MTUS2: variants seen among roughly 807,000 people sequenced by gnomAD.
MTUS2 encodes the protein microtubule associated scaffold protein 2.
A neutral mutation model predicts 114.1 loss-of-function variants in MTUS2; 40 were observed. The ratio of observed to expected loss-of-function variants is 0.35; its 90% CI spans 0.27 to 0.46. The LOEUF is 0.46. Ranked by LOEUF, MTUS2 falls within the 20% of genes least tolerant of loss-of-function variation. The pLI is 1.00. For missense variants in MTUS2, 1,679 were observed against 1,705.4 expected (o/e 0.98, Z 0.27); for synonymous variants, 688 against 672.0 (o/e 1.02, Z -0.37).
chr13:29,100,010 G>A (rs1890340437), intron 4 of MTUS2, among the ~76,000 whole-genome samples: 1 of 152,068 alleles, frequency 6.6e-6, no homozygotes, highest in South Asian at 2.1e-4. Context: ...TCTGAAGTTT[G>A]GACTAACATA....
intron 5 of MTUS2, among the ~76,000 whole-genome samples, chr13:29,253,021 T>C (rs768761961): frequency 9.2e-5 from 14 of 151,988 alleles, no homozygotes; most frequent in Non-Finnish European, 1.0e-4. Context: ...GAAAGAGAAT[T>C]GGATGTTTAT....
At position 28,869,896 on chromosome 13, in the gene MTUS2, G is replaced by T; in HGVS notation, c.-243+30046G>T. On this transcript the variant is annotated intron_variant, in intron 2 of 15. Transcript: ENST00000612955. ...TGTTACTGTCAGATATTTAAATTAA[G>T]ATGTTAACTTTTAAGTGGATGCAGA... 1.3e-5 allele frequency among the ~76,000 whole-genome samples: 2 copies of T among 152,136 alleles called. 1 individual carries two copies. The highest frequency in any genetic ancestry group is 2.9e-5 in the Non-Finnish European group (2 of 68,026).
chr13:29,243,215 T>C (rs1238896012), intron 5 of MTUS2, among the ~76,000 whole-genome samples: 1 of 150,152 alleles, frequency 6.7e-6, no homozygotes, highest in African/African-American at 2.5e-5. Flanking sequence ...CAGGGGAGAG[T>C]GTGTAGAAGG....
intron 14 of MTUS2, among the ~76,000 whole-genome samples, 199 bp downstream of exon 14, chr13:29,498,736 C>T (rs937313142): frequency 6.6e-5 from 10 of 152,178 alleles, no homozygotes; most frequent in African/African-American, 2.4e-4. Flanking sequence ...TCACCTTGTC[C>T]AACTCTGGAG....
At chr13:29,376,641 G>A (rs1871770117) in intron 8 of MTUS2, among the ~76,000 whole-genome samples, 1 of 152,104 alleles carries the variant, frequency 6.6e-6, no homozygotes, top group Non-Finnish European at 1.5e-5. Context: ...ATTTTTGTAA[G>A]TAAAGTTTTA....
chr13:28,922,088 T>C lies in MTUS2; in HGVS notation c.-243+82238T>C, dbSNP rs565838115. Among the ~76,000 whole-genome samples the C allele has an allele frequency of 1.5e-4, 23 of 152,292 alleles. 1 individual carries two copies. In the South Asian group the frequency reaches 4.8e-3, roughly 32 times the overall value. Reference sequence around the variant, plus strand: ...GATTTCCCCCTTGCTGTTTTCATGATAGTGAGTGAGTTCTCATGAGATCTG... The same window carrying C: ...GATTTCCCCCTTGCTGTTTTCATGACAGTGAGTGAGTTCTCATGAGATCTG... On this transcript the variant is annotated intron_variant, in intron 2 of 15. Coordinates refer to ENST00000612955, the MANE Select transcript of MTUS2 (RefSeq NM_001033602.4).
At chr13:29,193,329 C>G (rs1240925920) in intron 5 of MTUS2, among the ~76,000 whole-genome samples, 1 of 152,044 alleles carries the variant, frequency 6.6e-6, no homozygotes, top group Non-Finnish European at 1.5e-5. Context: ...GAGGGCCAGG[C>G]ATTTCAATGA....
At chr13:29,203,389 C>CT (rs2084120789) in intron 5 of MTUS2, among the ~76,000 whole-genome samples, 2 of 152,180 alleles carry the variant, frequency 1.3e-5, no homozygotes, top group South Asian at 4.1e-4. Flanking sequence ...CCCACATTGA[C>CT]TTCAGACTGC....
At chr13:29,280,344 TGCACA>T (rs1168965361) in intron 5 of MTUS2, among the ~76,000 whole-genome samples, 6 of 152,356 alleles carry the variant, frequency 3.9e-5, no homozygotes, top group African/African-American at 1.4e-4. Flanking sequence ...TTAAAAACCT[TGCACA>T]GCACTTTAAA....
chr13:28,830,523 G>C (rs1874593648), intron 1 of MTUS2, among the ~76,000 whole-genome samples: 1 of 151,882 alleles, frequency 6.6e-6, no homozygotes, highest in South Asian at 2.1e-4. Context: ...AAATTTACTA[G>C]AGAGGCTCAT....
At chr13:29,163,053 G>T (rs1300976355) in intron 5 of MTUS2, among the ~76,000 whole-genome samples, 1 of 152,184 alleles carries the variant, frequency 6.6e-6, no homozygotes, top group Non-Finnish European at 1.5e-5. Flanking sequence ...GCGCATGTAT[G>T]TGTGTGCTGT....
At chr13:29,059,482 A>T (rs892034047) in intron 4 of MTUS2, among the ~76,000 whole-genome samples, 1 of 152,120 alleles carries the variant, frequency 6.6e-6, no homozygotes, top group African/African-American at 2.4e-5. Context: ...TCCTGGTAGA[A>T]TGTAAGGTTG....
intron 5 of MTUS2, among the ~76,000 whole-genome samples, chr13:29,238,094 G>A (rs923402564): frequency 1.3e-5 from 2 of 152,240 alleles, no homozygotes; most frequent in African/African-American, 2.4e-5. Flanking sequence ...TTGGTATGTC[G>A]AAGGGATCTC....
intron 2 of MTUS2, among the ~76,000 whole-genome samples, chr13:28,908,933 T>G (rs1880224898): frequency 6.6e-6 from 1 of 151,636 alleles, no homozygotes; most frequent in African/African-American, 2.4e-5. Flanking sequence ...CCAGCACCAT[T>G]TATTAAATAG....
intron 7 of MTUS2, among the ~76,000 whole-genome samples, chr13:29,343,821 G>C: frequency 6.6e-6 from 1 of 152,120 alleles, no homozygotes; most frequent in South Asian, 2.1e-4. Flanking sequence ...CACTGCTTTT[G>C]TTGTATCCCA....
chr13:28,907,065 C>T (rs936117536), intron 2 of MTUS2, among the ~76,000 whole-genome samples: 2 of 151,498 alleles, frequency 1.3e-5, no homozygotes, highest in African/African-American at 2.4e-5. Context: ...CGGCAGAAAC[C>T]GTACAAGCCA....
At chr13:29,348,992 A>G (rs1016718006) in intron 7 of MTUS2, among the ~76,000 whole-genome samples, 4 of 152,106 alleles carry the variant, frequency 2.6e-5, no homozygotes, top group East Asian at 1.9e-4. Flanking sequence ...TTTTTATCCA[A>G]TCTGAAATCT....
intron 9 of MTUS2, among the ~76,000 whole-genome samples, chr13:29,444,367 G>A (rs1878122502): frequency 6.6e-6 from 1 of 152,188 alleles, no homozygotes; most frequent in African/African-American, 2.4e-5. Context: ...AGGCGGAGAG[G>A]TGACAGTGAG....
rs77092515 is a variant in MTUS2, at chr13:29,388,287, G to A, written c.3117+28814G>A. On this transcript the variant is annotated intron_variant, in intron 8 of 15. Transcript: ENST00000612955. The stretch of plus-strand genomic sequence containing the variant: ...CCAGTGGGAAAATAAAGATGGAGTC[G>A]GGGAGGTTGGCTTTGTTGTCTTCGT... Among the ~76,000 whole-genome samples, 1,304 of 152,148 alleles carry A rather than the reference G, an allele frequency of 8.6e-3. 19 individuals are homozygous for A. Among genetic ancestry groups the A allele is most frequent in the African/African-American group, 0.03 (1,224 of 41,474 alleles).
Sources: allele counts gnomAD v4.1 joint callset (sites outside exome capture counted in the v4.1 genomes callset), GRCh38; gene constraint gnomAD v4.1.1; transcripts MANE v1.5; gene names NCBI Gene and HGNC (gene_info 2026-07-23, HGNC 2026-07-21).